STN1: variants seen among roughly 807,000 people sequenced by gnomAD.
STN1 encodes the protein STN1 subunit of CST complex.
Under a neutral mutation model 45.5 loss-of-function variants are expected in STN1, and 29 were observed. That is an observed-to-expected ratio of 0.64 (90% CI 0.47 to 0.87). The LOEUF (loss-of-function observed/expected upper bound fraction) is 0.87. Ranked by LOEUF, STN1 falls within the 40% of genes least tolerant of loss-of-function variation. STN1 has a pLI of 0.00. For synonymous variants in STN1, 148 were observed against 159.0 expected (o/e 0.93, Z 0.52); for missense variants, 376 against 441.4 (o/e 0.85, Z 1.33).
In STN1 at chr10:103,881,019, C is replaced by T. The variant is rs1479397636; in HGVS notation, c.*1665G>A. Among the ~76,000 whole-genome samples the T allele has an allele frequency of 6.6e-6, 1 of 152,096 alleles. No homozygotes were observed. Among genetic ancestry groups the T allele is most frequent in the East Asian group, 1.9e-4 (1 of 5,196 alleles). ...TTATACTATAGAAACAGATCTATAACTCTATCTACTTCCCACTAAATCTAC... is the reference window on the plus strand; with the variant it reads ...TTATACTATAGAAACAGATCTATAATTCTATCTACTTCCCACTAAATCTAC... On this transcript the variant is annotated 3_prime_UTR_variant, in exon 10 of 10. Coordinates refer to ENST00000224950, the MANE Select transcript of STN1 (RefSeq NM_024928.5).
chr10:103,905,748 A>G (rs764172827), intron 3 of STN1, among the ~76,000 whole-genome samples: 7 of 152,232 alleles, frequency 4.6e-5, no homozygotes, highest in Non-Finnish European at 8.8e-5. Flanking sequence ...AGCACATCAC[A>G]GAAGGGCACC....
At chr10:103,917,255 TACTA>T (rs1279612554) in intron 2 of STN1, among the ~76,000 whole-genome samples, 1 of 56,358 alleles carries the variant, frequency 1.8e-5, no homozygotes, top group Non-Finnish European at 3.2e-5. Flanking sequence ...CCCAAACACC[TACTA>T]AAAAAAAAAA....
chr10:103,884,788 A>G (rs887332420), intron 9 of STN1, among the ~76,000 whole-genome samples: 1 of 152,192 alleles, frequency 6.6e-6, no homozygotes, highest in Non-Finnish European at 1.5e-5. Context: ...GGTGAAAACC[A>G]CTTCCAAGGC....
At chr10:103,899,051 G>C in intron 5 of STN1, 51 bp from the exon 6 acceptor site, 1 of 1,599,688 alleles carries the variant, frequency 6.3e-7, no homozygotes, top group Non-Finnish European at 8.5e-7. Flanking sequence ...ATTACATTGA[G>C]ATCAATTCTT....
intron 2 of STN1, among the ~76,000 whole-genome samples, chr10:103,913,129 G>A (rs1489633877): frequency 6.6e-6 from 1 of 152,244 alleles, no homozygotes; most frequent in African/African-American, 2.4e-5. Flanking sequence ...ATGGGGAGAA[G>A]AGTGGAACAA....
At chr10:103,885,860 A>T (rs1016213066) in intron 9 of STN1, among the ~76,000 whole-genome samples, 6 of 152,188 alleles carry the variant, frequency 3.9e-5, no homozygotes, top group Non-Finnish European at 8.8e-5. Flanking sequence ...TAGTTATCTT[A>T]TGACGGATCA....
At position 103,878,925 on chromosome 10, in the gene STN1, G is replaced by C. The variant is rs1328733261; in HGVS notation, c.*3759C>G. The C allele has an allele frequency of 6.6e-6, 1 of 152,634 alleles. No homozygotes were observed. The highest frequency in any genetic ancestry group is 1.9e-4 in the East Asian group (1 of 5,206). 9.5% of individuals were successfully genotyped at this position (152,634 alleles called of 1,614,324 possible). On this transcript the variant is annotated 3_prime_UTR_variant, in exon 10 of 10. Coordinates refer to ENST00000224950, the MANE Select transcript of STN1 (RefSeq NM_024928.5). Reference sequence around the variant, plus strand: ...GGTGGTTATCAGGTTAGCTGCTCCTGTGGGTGGCTGGGTGGTGCTCAGTCC... The same window carrying C: ...GGTGGTTATCAGGTTAGCTGCTCCTCTGGGTGGCTGGGTGGTGCTCAGTCC...
intron 2 of STN1, among the ~76,000 whole-genome samples, chr10:103,911,093 A>C (rs1164193487): frequency 4.6e-5 from 7 of 151,366 alleles, no homozygotes; most frequent in Non-Finnish European, 8.8e-5. Context: ...TTTTTTTTAA[A>C]AAAAAACAGT....
rs373416912 is a variant in STN1 at position 103,917,469 on chromosome 10, C to A, written c.126G>T (p.Gln42His). ...GGGTGGCTAGCCACATACCTGGCAC[C>A]TGGCGGGACTCCTTCATGTCCAGGA... ...RDILDMKESR[Q>H]VPGVFLYNGH... The change falls in exon 2 of 10, where the codon CAG (glutamine) becomes CAT (histidine). Residue 42 changes from glutamine to histidine, a missense_variant. By Grantham distance (24) the Gln-to-His change is conservative (BLOSUM62 0). Transcript: ENST00000224950. The A allele has an allele frequency of 1.7e-5, 27 of 1,613,360 alleles. No individual in the cohort carries two copies. Among genetic ancestry groups the A allele is most frequent in the Non-Finnish European group, 1.9e-5 (23 of 1,179,692 alleles).
intron 8 of STN1, among the ~76,000 whole-genome samples, chr10:103,890,736 G>A (rs1336815068): frequency 6.6e-6 from 1 of 152,210 alleles, no homozygotes; most frequent in African/African-American, 2.4e-5. Flanking sequence ...AAATGGTATT[G>A]TAATTTCTAA....
chr10:103,893,457 C>T (rs866374402), intron 7 of STN1, among the ~76,000 whole-genome samples: 5 of 152,160 alleles, frequency 3.3e-5, no homozygotes, highest in South Asian at 2.1e-4. Context: ...TGTGAGCCAC[C>T]GTGCCCAGCC....
chr10:103,909,153 G>A (rs1315129766), intron 3 of STN1, among the ~76,000 whole-genome samples: 1 of 151,296 alleles, frequency 6.6e-6, no homozygotes, highest in African/African-American at 2.4e-5. Context: ...ACTGAAAGAC[G>A]CTATTATTTC....
chr10:103,878,126 T>C lies in STN1; in HGVS notation c.*4558A>G, dbSNP rs974320364. 9.9e-5 allele frequency: 15 copies of C among 152,240 alleles called. No individual in the cohort carries two copies. Among genetic ancestry groups the C allele is most frequent in the African/African-American group, 2.9e-4 (12 of 41,466 alleles). 9.4% of individuals were successfully genotyped at this position (152,240 alleles called of 1,614,324 possible). On this transcript the variant is annotated 3_prime_UTR_variant, in exon 10 of 10. Coordinates refer to ENST00000224950, the MANE Select transcript of STN1 (RefSeq NM_024928.5). ...GTCTTACAGGGATGGGGAGCACTGG[T>C]GGCTTACCATATGGGCATAATCATG...
chr10:103,910,707 G>A lies in STN1; in HGVS notation c.134-85C>T, dbSNP rs575333100. ...ATCTTAACTTGTAGGGGGGAAGGGA[G>A]TGTAAAAAAATCAATCCATGCTGTT... On this transcript the variant is annotated intron_variant, in intron 2 of 9. Transcript: ENST00000224950. The A allele has an allele frequency of 5.6e-6, 4 of 716,042 alleles. No individual in the cohort carries two copies. The East Asian group carries it at 8.3e-5, about 15-fold the overall frequency. 44.4% of individuals were successfully genotyped at this position (716,042 alleles called of 1,614,324 possible).
At chr10:103,882,955 G>A in intron 9 of STN1, 114 bp from the exon 10 acceptor site, 2 of 1,009,148 alleles carry the variant, frequency 2.0e-6, no homozygotes, top group South Asian at 1.8e-5. Context: ...TGATCTTTAT[G>A]CACATTAAAG....
At chr10:103,889,695 C>CTTTTTTTTTTTTTTTTTTTTTTTTTTTT (rs58738841) in intron 8 of STN1, among the ~76,000 whole-genome samples, 1 of 122,098 alleles carries the variant, frequency 8.2e-6, no homozygotes. Flanking sequence ...TTTCTTTTTC[C>CTTTTTTTTTTTTTTTTTTTTTTTTTTTT]TTTTTTTTTT....
chr10:103,886,423 A>C (rs1843103927), intron 9 of STN1, among the ~76,000 whole-genome samples: 2 of 150,930 alleles, frequency 1.3e-5, no homozygotes, highest in Admixed American at 1.3e-4. Flanking sequence ...GATAAATTGG[A>C]ATATTTTCAG....
rs529444522 is a variant in STN1 at position 103,890,054 on chromosome 10, C to T, written c.877-910G>A. ...AGATTAAGAGGGAAGCAGCACACAA[C>T]AGGTTTCACCTTCATGTTCCACAGT... On this transcript the variant is annotated intron_variant, in intron 8 of 9. Transcript: ENST00000224950. Among the ~76,000 whole-genome samples the T allele has an allele frequency of 1.5e-4, 22 of 151,568 alleles. No homozygotes were observed. The East Asian group carries it at 3.7e-3, about 25-fold the overall frequency.
intron 4 of STN1, 86 bp from the exon 5 acceptor site, chr10:103,900,309 C>A: frequency 2.3e-6 from 3 of 1,291,508 alleles, no homozygotes; most frequent in Middle Eastern, 2.4e-4. Context: ...TAGGGTAAGA[C>A]CAACACAATA....
Sources: allele counts gnomAD v4.1 joint callset (sites outside exome capture counted in the v4.1 genomes callset), GRCh38; gene constraint gnomAD v4.1.1; transcripts MANE v1.5; gene names NCBI Gene and HGNC (gene_info 2026-07-23, HGNC 2026-07-21).